The following FBXO28 variants were observed in gnomAD, a reference collection of about 807,000 sequenced individuals.
FBXO28 encodes the protein F-box only protein 28.
FBXO28 carries 8 observed loss-of-function variants against 38.1 expected under a neutral mutation model. The ratio of observed to expected loss-of-function variants is 0.21; its 90% CI spans 0.12 to 0.38. The LOEUF (loss-of-function observed/expected upper bound fraction) is 0.38. Among genes scored for constraint, FBXO28 ranks in the 10% least tolerant of loss-of-function variants. FBXO28 has a pLI of 1.00. For missense variants in FBXO28, 345 were observed against 460.6 expected (o/e 0.75, Z 2.30); for synonymous variants, 168 against 173.8 (o/e 0.97, Z 0.26).
chr1:224,114,478 G>T, intron 1 of FBXO28, 82 bp downstream of exon 1: 1 of 1,234,880 alleles, frequency 8.1e-7, no homozygotes, highest in Non-Finnish European at 1.1e-6. Context: ...TCCCCGGGAA[G>T]GGAGCCCCCC....
In FBXO28 at chr1:224,158,246, G is replaced by C; in HGVS notation, c.*500G>C. ...TCTGAAAAGTAGTTAATGCTTTTTG[G>C]TATTGAAGTAATGGGTAACTAAAAT... On this transcript the variant is annotated 3_prime_UTR_variant, in exon 5 of 5. Coordinates refer to ENST00000366862, the MANE Select transcript of FBXO28 (RefSeq NM_015176.4). 1.0e-6 allele frequency: 1 copy of C among 985,530 alleles called. No individual in the cohort carries two copies. Among genetic ancestry groups the C allele is most frequent in the Non-Finnish European group, 1.2e-6 (1 of 829,786 alleles). The allele number at this position is 985,530 out of a possible 1,614,324, so 61.0% of individuals were successfully genotyped here.
chr1:224,141,583 C>T (rs1158546756), intron 3 of FBXO28, among the ~76,000 whole-genome samples: 2 of 152,004 alleles, frequency 1.3e-5, no homozygotes, highest in East Asian at 1.9e-4. Flanking sequence ...AGTGTATTTA[C>T]ACAAACCTAG....
chr1:224,134,176 T>C lies in FBXO28; in HGVS notation c.480T>C (p.Tyr160=). The change falls in exon 3 of 5, where the codon TAT becomes TAC. Residue 160 remains tyrosine (Y), a synonymous_variant. Transcript: ENST00000366862. Reference sequence around the variant, plus strand: ...TATTAAATATGACTTTCATGAAATATGTGGATTCCAATCTCTGTTGCTTCA... The same window carrying C: ...TATTAAATATGACTTTCATGAAATACGTGGATTCCAATCTCTGTTGCTTCA... ...LSLLNMTFMK[Y]VDSNLCCFIP... 2 of 1,612,210 alleles carry C rather than the reference T, an allele frequency of 1.2e-6. No homozygotes were observed. The highest frequency in any genetic ancestry group is 1.7e-6 in the Non-Finnish European group (2 of 1,179,308).
intron 2 of FBXO28, 127 bp downstream of exon 2, chr1:224,130,708 A>G (rs1204258608): frequency 6.7e-6 from 4 of 600,668 alleles, no homozygotes; most frequent in Non-Finnish European, 1.2e-5. Flanking sequence ...AAAGATCACA[A>G]TGTGATTTCT....
chr1:224,130,153 C>G (rs1657002346), intron 1 of FBXO28, among the ~76,000 whole-genome samples: 1 of 152,002 alleles, frequency 6.6e-6, no homozygotes, highest in Non-Finnish European at 1.5e-5. Flanking sequence ...ACCAGCCTGG[C>G]CAGCATGGTG....
intron 4 of FBXO28, among the ~76,000 whole-genome samples, chr1:224,154,481 G>A (rs1185249374): frequency 3.3e-5 from 5 of 150,096 alleles, no homozygotes; most frequent in Non-Finnish European, 7.4e-5. Context: ...GACCAGCCTG[G>A]CCAACATGGT....
In FBXO28 at chr1:224,158,093, GAAGTT is replaced by G. The variant is rs1657813841; in HGVS notation, c.*353_*357del. The G allele has an allele frequency of 9.9e-7, 1 of 1,010,622 alleles. No homozygotes were observed. Among genetic ancestry groups the G allele is most frequent in the African/African-American group, 1.7e-5 (1 of 58,122 alleles). The allele number at this position is 1,010,622 out of a possible 1,614,324, so 62.6% of individuals were successfully genotyped here. The stretch of plus-strand genomic sequence containing the variant: ...TCTTAAACCCAGTCTTGACAGACTA[GAAGTT>G]AAGTTTAATACAGAAAATGTCCTGT... On this transcript the variant is annotated 3_prime_UTR_variant, in exon 5 of 5. Coordinates refer to ENST00000366862, the MANE Select transcript of FBXO28 (RefSeq NM_015176.4).
chr1:224,123,725 C>T (rs1348990589), intron 1 of FBXO28, among the ~76,000 whole-genome samples: 3 of 152,054 alleles, frequency 2.0e-5, no homozygotes, highest in African/African-American at 7.2e-5. Context: ...CATTATATAT[C>T]GTAGGTCTAT....
At chr1:224,121,153 A>G (rs942220396) in intron 1 of FBXO28, among the ~76,000 whole-genome samples, 15 of 152,190 alleles carry the variant, frequency 9.9e-5, no homozygotes, top group African/African-American at 3.1e-4. Context: ...GCCATTTGCA[A>G]TAGTGCATCA....
chr1:224,114,265 C>A lies in FBXO28; in HGVS notation c.136C>A (p.Gln46Lys). The A allele has an allele frequency of 6.4e-7, 1 of 1,555,638 alleles. No homozygotes were observed. The highest frequency in any genetic ancestry group is 2.4e-5 in the East Asian group (1 of 41,634). The stretch of plus-strand genomic sequence containing the variant: ...GCCACAGCACCCGCAGCCGGGGTCC[C>A]AGGCGCTCCCAGCCCCCGCGCTGGC... ...PAPQHPQPGS[Q>K]ALPAPALAPD... is the part of the protein sequence containing the mutation. Residue 46 changes from glutamine to lysine, a missense_variant, in exon 1 of 5, where the codon CAG (glutamine) becomes AAG (lysine). Coordinates refer to ENST00000366862, the MANE Select transcript of FBXO28 (RefSeq NM_015176.4).
chr1:224,116,342 A>C (rs776196741), intron 1 of FBXO28, among the ~76,000 whole-genome samples: 14 of 152,316 alleles, frequency 9.2e-5, no homozygotes, highest in Middle Eastern at 3.4e-3. Context: ...TAATTTAATT[A>C]TGATCTTTTC....
At chr1:224,143,903 T>C (rs1572020509) in intron 3 of FBXO28, among the ~76,000 whole-genome samples, 1 of 149,910 alleles carries the variant, frequency 6.7e-6, no homozygotes, top group South Asian at 2.1e-4. Context: ...CCCAGCACTT[T>C]GGGAGGCTGA....
Position 224,155,424 on chromosome 1 carries a change from C to T in FBXO28, c.713-1928C>T, listed in dbSNP as rs570605088. 2.0e-5 allele frequency among the ~76,000 whole-genome samples: 3 copies of T among 152,262 alleles called. No individual in the cohort carries two copies. The East Asian group carries it at 5.8e-4, about 29-fold the overall frequency. On this transcript the variant is annotated intron_variant, in intron 4 of 4. Transcript: ENST00000366862. ...TCGTGATCCACCTGCCTCGGCCTCC[C>T]AAAGTGCTGGGATTACAGGCATGAG... is the stretch of plus-strand genomic sequence containing the variant.
chr1:224,158,686 TTC>T lies in FBXO28; in HGVS notation c.*942_*943del, dbSNP rs1657826687. ...GCAGAACCCCAAATTTCAAGGCTCT[TTC>T]TATCAATATTGGACCTCTGGGAGCT... is the stretch of plus-strand genomic sequence containing the variant. On this transcript the variant is annotated 3_prime_UTR_variant, in exon 5 of 5. Transcript: ENST00000366862. The T allele has an allele frequency of 6.6e-6, 1 of 152,162 alleles. No homozygotes were observed. The highest frequency in any genetic ancestry group is 2.4e-5 in the African/African-American group (1 of 41,442). The allele number at this position is 152,162 out of a possible 1,614,324, so 9.4% of individuals were successfully genotyped here.
intron 1 of FBXO28, 147 bp downstream of exon 1, chr1:224,114,543 C>T (rs1656598431): frequency 4.7e-6 from 3 of 635,854 alleles, no homozygotes; most frequent in African/African-American, 4.1e-5. Flanking sequence ...CCCGAACTCT[C>T]CCTTGGCGTC....
intron 1 of FBXO28, among the ~76,000 whole-genome samples, chr1:224,127,402 C>A (rs958909853): frequency 2.6e-5 from 4 of 152,030 alleles, no homozygotes; most frequent in Admixed American, 2.0e-4. Flanking sequence ...GAAAATTGAC[C>A]TGTGTTCTGT....
chr1:224,154,045 C>G (rs558949639), intron 4 of FBXO28, among the ~76,000 whole-genome samples: 3 of 152,202 alleles, frequency 2.0e-5, no homozygotes, highest in East Asian at 3.9e-4. Context: ...TGAAAAGTTA[C>G]ATACAGATGC....
chr1:224,148,368 C>T (rs1003702653), intron 3 of FBXO28, among the ~76,000 whole-genome samples: 19 of 152,024 alleles, frequency 1.2e-4, no homozygotes, highest in African/African-American at 4.3e-4. Context: ...TGTTAAGAAA[C>T]GGCCAGGCAC....
At chr1:224,136,579 C>T (rs145622969) in intron 3 of FBXO28, among the ~76,000 whole-genome samples, 19,016 of 147,726 alleles carry the variant, frequency 0.13, 1,347 homozygotes, top group South Asian at 0.17. Flanking sequence ...AAAAAAAAAA[C>T]TAGCTGGGCA....
Sources: allele counts gnomAD v4.1 joint callset (sites outside exome capture counted in the v4.1 genomes callset), GRCh38; gene constraint gnomAD v4.1.1; transcripts MANE v1.5; gene names NCBI Gene and HGNC (gene_info 2026-07-23, HGNC 2026-07-21).